SNX29: variants seen among roughly 807,000 people sequenced by gnomAD.
SNX29 encodes the protein sorting nexin 29.
A neutral mutation model predicts 102.1 loss-of-function variants in SNX29; 78 were observed. That is an observed-to-expected ratio of 0.76 (90% confidence interval 0.64 to 0.92). The LOEUF is 0.92. SNX29 is among the 40% of genes least tolerant of loss of function. SNX29 has a pLI of 0.00. For missense variants in SNX29, 1,280 were observed against 1,061.7 expected, an observed-to-expected ratio of 1.21 and a Z score of -2.86; for synonymous variants, 580 against 414.5, an observed-to-expected ratio of 1.40 and a Z score of -4.85.
Position 12,569,600 on chromosome 16 carries a change from G to T in SNX29, c.*971G>T, listed in dbSNP as rs184094351. On this transcript the variant is annotated 3_prime_UTR_variant, in exon 21 of 21. Transcript: ENST00000566228. ...AACATTTTCCATCCCGTCTGCCCCC[G>T]ACATTGTCCTTGATAACAGAACTCT... The T allele has an allele frequency of 4.0e-4, 92 of 228,684 alleles. 1 individual carries two copies. Among genetic ancestry groups the T allele is most frequent in the African/African-American group, 2.0e-3 (88 of 44,454 alleles). 14.2% of individuals were successfully genotyped at this position (228,684 alleles called of 1,614,324 possible).
chr16:12,116,343 G>T (rs950477078), intron 11 of SNX29, among the ~76,000 whole-genome samples: 1 of 152,174 alleles, frequency 6.6e-6, no homozygotes, highest in African/African-American at 2.4e-5. Flanking sequence ...AACAAATTGT[G>T]GCATATCCAT....
intron 11 of SNX29, chr16:12,087,688 G>T (rs1415636678): frequency 5.5e-6 from 2 of 364,346 alleles, no homozygotes; most frequent in African/African-American, 4.3e-5. Flanking sequence ...GGGCTTTACA[G>T]CAACCCAGAA....
intron 14 of SNX29, among the ~76,000 whole-genome samples, chr16:12,247,458 T>C (rs1297332890): frequency 6.6e-6 from 1 of 152,188 alleles, no homozygotes; most frequent in East Asian, 1.9e-4. Context: ...AATAAATACC[T>C]TCCGACTTAC....
intron 19 of SNX29, among the ~76,000 whole-genome samples, chr16:12,491,997 C>T (rs898617796): frequency 9.2e-5 from 14 of 152,132 alleles, no homozygotes; most frequent in African/African-American, 2.4e-4. Flanking sequence ...CATACGTGTG[C>T]GTGTGTCTTT....
chr16:12,257,712 G>A (rs1213536910), intron 14 of SNX29, among the ~76,000 whole-genome samples: 2 of 140,496 alleles, frequency 1.4e-5, no homozygotes, highest in African/African-American at 5.4e-5. Context: ...TTTTTTTGTA[G>A]CATCAGGGTT....
At chr16:11,994,224 C>T (rs1158738243) in intron 1 of SNX29, among the ~76,000 whole-genome samples, 18 of 152,228 alleles carry the variant, frequency 1.2e-4, no homozygotes. Context: ...TGTCAGCTGA[C>T]TGCATTTCTC....
chr16:12,012,522 C>T lies in SNX29; in HGVS notation c.122+9479C>T, dbSNP rs746364942. On this transcript the variant is annotated intron_variant, in intron 3 of 20. Coordinates refer to ENST00000566228, the MANE Select transcript of SNX29 (RefSeq NM_032167.5). ...CTCCCACGTTCAAGTGATTCTCCTG[C>T]CTCAGCCTCCCGAGTAGCTGGGACT... 1.7e-3 allele frequency among the ~76,000 whole-genome samples: 256 copies of T among 152,132 alleles called. 1 individual carries two copies. The highest frequency in any genetic ancestry group is 6.0e-3 in the Admixed American group (91 of 15,216).
chr16:12,288,601 T>G (rs2079681954), intron 15 of SNX29, among the ~76,000 whole-genome samples: 1 of 151,592 alleles, frequency 6.6e-6, no homozygotes, highest in Non-Finnish European at 1.5e-5. Flanking sequence ...AAGCCCTTCT[T>G]TGGGGGCTTA....
intron 3 of SNX29, among the ~76,000 whole-genome samples, chr16:12,015,896 G>A (rs867277991): frequency 2.0e-5 from 3 of 150,808 alleles, no homozygotes; most frequent in Middle Eastern, 3.4e-3. Flanking sequence ...ACAGAATGTC[G>A]CTCTGTCACC....
At chr16:11,995,887 C>G (rs1238264441) in intron 1 of SNX29, among the ~76,000 whole-genome samples, 1 of 151,896 alleles carries the variant, frequency 6.6e-6, no homozygotes, top group African/African-American at 2.4e-5. Flanking sequence ...TGGTGAAACC[C>G]TGTCTCTACT....
chr16:12,248,122 G>T (rs1452625337), intron 14 of SNX29, among the ~76,000 whole-genome samples: 1 of 152,196 alleles, frequency 6.6e-6, no homozygotes, highest in Non-Finnish European at 1.5e-5. Flanking sequence ...GTGATCCTTT[G>T]AAAATAGAAG....
At chr16:12,316,034 G>A (rs970843337) in intron 15 of SNX29, among the ~76,000 whole-genome samples, 4 of 152,172 alleles carry the variant, frequency 2.6e-5, no homozygotes, top group Non-Finnish European at 5.9e-5. Flanking sequence ...TGAGTGCTCC[G>A]AAGAAGGCAC....
chr16:12,164,855 T>G (rs1247327916), intron 13 of SNX29, among the ~76,000 whole-genome samples: 3 of 151,976 alleles, frequency 2.0e-5, no homozygotes, highest in Non-Finnish European at 4.4e-5. Context: ...GCCCAGCTAA[T>G]TTTTGTATTT....
At position 12,127,582 on chromosome 16, in the gene SNX29, C is replaced by T. The variant is rs180857962; in HGVS notation, c.1466+886C>T. ...GACTACAGGCGCATGCCACCATGCC[C>T]GGCTAATTTTGGTATTTTTAGTAGA... On this transcript the variant is annotated intron_variant, in intron 12 of 20. Transcript: ENST00000566228. Among the ~76,000 whole-genome samples the T allele has an allele frequency of 9.7e-4, 148 of 152,106 alleles. 3 individuals carry two copies. In the South Asian group the frequency reaches 0.015, roughly 15 times the overall value.
intron 18 of SNX29, among the ~76,000 whole-genome samples, chr16:12,420,092 G>A (rs1268656195): frequency 6.6e-6 from 1 of 152,216 alleles, no homozygotes; most frequent in Non-Finnish European, 1.5e-5. Context: ...GGTCCCCTGT[G>A]CATTATGGGA....
rs913189419 is a variant in SNX29, at chr16:12,213,272, C to T, written c.1678+13589C>T. On this transcript the variant is annotated intron_variant, in intron 14 of 20. Transcript: ENST00000566228. ...CATCCTCTAACTTAGAAGTGGGAGC[C>T]AAGCTGTGGGCACACAGGGGCATAT... is the stretch of plus-strand genomic sequence containing the variant. Among the ~76,000 whole-genome samples the T allele has an allele frequency of 7.2e-5, 11 of 152,160 alleles. No individual in the cohort carries two copies. In the South Asian group the frequency reaches 1.9e-3, roughly 26 times the overall value.
intron 18 of SNX29, among the ~76,000 whole-genome samples, chr16:12,412,355 G>A (rs927892690): frequency 6.6e-6 from 1 of 152,176 alleles, no homozygotes; most frequent in African/African-American, 2.4e-5. Flanking sequence ...AACCACCAAG[G>A]CGTGTGCTTC....
At chr16:12,107,233 A>G (rs1242242092) in intron 11 of SNX29, among the ~76,000 whole-genome samples, 1 of 152,066 alleles carries the variant, frequency 6.6e-6, no homozygotes, top group Non-Finnish European at 1.5e-5. Flanking sequence ...TGGCCAGCCA[A>G]GGCGCTTCAG....
intron 20 of SNX29, among the ~76,000 whole-genome samples, chr16:12,559,458 G>C (rs1050210627): frequency 2.0e-5 from 3 of 151,510 alleles, no homozygotes; most frequent in African/African-American, 7.3e-5. Flanking sequence ...TCTACATTAT[G>C]GTGAGTTGTG....
Sources: allele counts gnomAD v4.1 joint callset (sites outside exome capture counted in the v4.1 genomes callset), GRCh38; gene constraint gnomAD v4.1.1; transcripts MANE v1.5; gene names NCBI Gene and HGNC (gene_info 2026-07-23, HGNC 2026-07-21).